The following NFATC2 variants were observed in gnomAD, a reference collection of about 807,000 sequenced individuals.
NFATC2 encodes the protein nuclear factor of activated T-cells, cytoplasmic 2.
NFATC2 carries 22 observed loss-of-function variants against 87.3 expected under a neutral mutation model. The ratio of observed to expected loss-of-function variants is 0.25; its 90% CI spans 0.18 to 0.36. The LOEUF is 0.36. NFATC2 is among the 10% of genes least tolerant of loss of function. The pLI is 1.00. For synonymous variants in NFATC2, 565 were observed against 542.2 expected (o/e 1.04, Z -0.58); for missense variants, 1,149 against 1,259.1 (o/e 0.91, Z 1.32).
chr20:51,463,612 G>A (rs1302811209), intron 5 of NFATC2, among the ~76,000 whole-genome samples: 29 of 152,170 alleles, frequency 1.9e-4, no homozygotes, highest in Non-Finnish European at 4.3e-4. Flanking sequence ...AGGCAGCCGG[G>A]ACAGAGAAAA....
chr20:51,524,992 G>A lies in NFATC2; in HGVS notation c.131-882C>T, dbSNP rs540607141. 6.6e-6 allele frequency among the ~76,000 whole-genome samples: 1 copy of A among 152,210 alleles called. No individual in the cohort carries two copies. The highest frequency in any genetic ancestry group is 2.4e-5 in the African/African-American group (1 of 41,532). ...CCCGGCACTTCGGGAGGCTGAGGCG[G>A]GCAGATCACTTGCGGTCAGGAGTTT... On this transcript the variant is annotated intron_variant, in intron 1 of 10. Coordinates refer to ENST00000371564, the MANE Select transcript of NFATC2 (RefSeq NM_012340.5). This position sits in a 1 kb window ranked among gnomAD's most constrained non-coding sequence, Gnocchi z 4.0.
At chr20:51,397,658 A>AG (rs1987378008) in intron 10 of NFATC2, among the ~76,000 whole-genome samples, 1 of 152,114 alleles carries the variant, frequency 6.6e-6, no homozygotes, top group Admixed American at 6.5e-5. Context: ...AGTCCTGAGG[A>AG]GGGACAGTGG....
At position 51,404,677 on chromosome 20, in the gene NFATC2, C is replaced by T. The variant is rs79017094; in HGVS notation, c.2723-5947G>A. ...CCCTCTTCCACCAAAGCACTTTCAC[C>T]TTTGAAGCTATTTCTGCATTTTCAG... is the stretch of plus-strand genomic sequence containing the variant. On this transcript the variant is annotated intron_variant, in intron 9 of 10. Transcript: ENST00000371564. Among the ~76,000 whole-genome samples the T allele has an allele frequency of 3.8e-3, 573 of 152,324 alleles. 12 individuals are homozygous for T. Among genetic ancestry groups the T allele is most frequent in the East Asian group, 0.028 (146 of 5,182 alleles).
At chr20:51,482,516 A>C (rs568472603) in intron 3 of NFATC2, among the ~76,000 whole-genome samples, 16 of 152,304 alleles carry the variant, frequency 1.1e-4, no homozygotes, top group African/African-American at 3.9e-4. Context: ...CTGTTTTATT[A>C]TTCATTTTAT....
intron 9 of NFATC2, among the ~76,000 whole-genome samples, chr20:51,403,714 G>A (rs1988286359): frequency 3.3e-5 from 5 of 152,158 alleles, no homozygotes; most frequent in Admixed American, 1.3e-4. Flanking sequence ...CACAATGGGA[G>A]AAAAGGTGAC....
At chr20:51,507,267 T>C (rs895315676) in intron 3 of NFATC2, among the ~76,000 whole-genome samples, 1 of 152,166 alleles carries the variant, frequency 6.6e-6, no homozygotes, top group Non-Finnish European at 1.5e-5. Context: ...ACAGGAATAA[T>C]AGCAGCCCCG....
chr20:51,505,875 T>A (rs1001455790), intron 3 of NFATC2, among the ~76,000 whole-genome samples: 1 of 152,272 alleles, frequency 6.6e-6, no homozygotes, highest in African/African-American at 2.4e-5. Flanking sequence ...GGCATGAAAC[T>A]AAAGCCTCCA....
intron 6 of NFATC2, among the ~76,000 whole-genome samples, chr20:51,440,236 C>CAAAAAAAAAAAAAAAAAAA (rs34071345): frequency 3.1e-5 from 3 of 97,208 alleles, no homozygotes; most frequent in African/African-American, 5.0e-5. Flanking sequence ...AACTCCATCT[C>CAAAAAAAAAAAAAAAAAAA]AAAAAAAAAA....
intron 10 of NFATC2, among the ~76,000 whole-genome samples, chr20:51,393,188 G>A (rs1004726765): frequency 2.0e-5 from 3 of 152,224 alleles, no homozygotes; most frequent in Non-Finnish European, 4.4e-5. Context: ...GTACATGAGA[G>A]GTCGGATTCT....
intron 3 of NFATC2, among the ~76,000 whole-genome samples, chr20:51,505,225 C>A (rs1245509467): frequency 6.6e-6 from 1 of 151,220 alleles, no homozygotes; most frequent in Admixed American, 6.6e-5. Flanking sequence ...ACTGTGTTAG[C>A]CAGGATGGTC....
rs564569127 is a variant in NFATC2, at chr20:51,398,730, T to G, written c.2723A>C (p.Glu908Ala). 17 of 1,607,108 alleles carry G rather than the reference T, an allele frequency of 1.1e-5. No homozygotes were observed. The East Asian group carries it at 3.3e-4, about 32-fold the overall frequency. Residue 908 changes from glutamate (E) to alanine (A), a missense_variant and splice_region_variant, in exon 10 of 11, where the codon GAG (glutamate) becomes GCG (alanine). Physicochemically the swap from Glu to Ala is moderately radical, Grantham distance 107 (BLOSUM62 -1). Transcript: ENST00000371564. ...CCAGCTAAGGTGTGTGTCTATCAGC[T>G]CTGAAAAAGATTTGCAAAATCATTT... Reference protein sequence around the residue: ...QNLDQTYLDDELIDTHLSWIQ... With the variant: ...QNLDQTYLDDALIDTHLSWIQ...
At chr20:51,522,606 C>T (rs1245630143) in intron 2 of NFATC2, among the ~76,000 whole-genome samples, 3 of 150,358 alleles carry the variant, frequency 2.0e-5, no homozygotes, top group African/African-American at 7.4e-5. Context: ...CATATAACTG[C>T]GGCACACAGC....
At chr20:51,403,519 G>GC (rs1988264671) in intron 9 of NFATC2, among the ~76,000 whole-genome samples, 1 of 152,080 alleles carries the variant, frequency 6.6e-6, no homozygotes, top group South Asian at 2.1e-4. Context: ...ACTAAGTTAT[G>GC]CCCCCACCAC....
chr20:51,394,543 C>T (rs994866061), intron 10 of NFATC2, among the ~76,000 whole-genome samples: 1 of 150,600 alleles, frequency 6.6e-6, no homozygotes, highest in Non-Finnish European at 1.5e-5. Flanking sequence ...CACCCCCAGC[C>T]CAGTCGCACT....
intron 3 of NFATC2, among the ~76,000 whole-genome samples, chr20:51,512,327 T>A (rs1568710108): frequency 6.6e-6 from 1 of 151,908 alleles, no homozygotes; most frequent in Non-Finnish European, 1.5e-5. Context: ...AGCCCACAGA[T>A]CCCCTCCAAG....
chr20:51,529,726 C>T (rs6021271), intron 1 of NFATC2, among the ~76,000 whole-genome samples: 48,267 of 151,916 alleles, frequency 0.32, 7,837 homozygotes, highest in Admixed American at 0.41. Flanking sequence ...TTACTTAATA[C>T]TTCTAGTATT....
intron 10 of NFATC2, among the ~76,000 whole-genome samples, chr20:51,398,070 TC>T (rs35654706): frequency 0.21 from 31,925 of 151,850 alleles, 3,463 homozygotes; most frequent in East Asian, 0.24. Context: ...GAAACTCAGT[TC>T]CAAGGGGCTG....
chr20:51,561,496 C>A (rs142160356), intron 1 of NFATC2, among the ~76,000 whole-genome samples: 3,517 of 106,926 alleles, frequency 0.033, 55 homozygotes, highest in Non-Finnish European at 0.037. Context: ...AGCAAGCAAG[C>A]AAGCAAGCAA....
chr20:51,398,528 A>G, intron 10 of NFATC2, 115 bp downstream of exon 10: 1 of 643,904 alleles, frequency 1.6e-6, no homozygotes, highest in Non-Finnish European at 2.6e-6. Context: ...GGAGAATGAG[A>G]AGAGAGGGCC....
Sources: gnomAD v4.1 joint callset for allele counts (sites outside exome capture counted in the v4.1 genomes callset) on GRCh38, gnomAD v4.1.1 for gene constraint, Gnocchi (gnomAD v3.1) non-coding constraint, MANE v1.5 for transcripts, NCBI Gene and HGNC (gene_info 2026-07-23, HGNC 2026-07-21) for gene names.